FAM149A: variants seen among roughly 807,000 people sequenced by gnomAD.
FAM149A encodes the protein family with sequence similarity 149 member A.
FAM149A carries 71 observed loss-of-function variants against 78.2 expected under a neutral mutation model. The ratio of observed to expected loss-of-function variants is 0.91; its 90% CI spans 0.75 to 1.11. FAM149A has a LOEUF of 1.11. Among genes scored for constraint, FAM149A ranks in the 50% least tolerant of loss-of-function variants. The pLI is 0.00. For missense variants in FAM149A, 1,036 were observed against 971.0 expected (o/e 1.07, Z -0.89); for synonymous variants, 446 against 410.5 (o/e 1.09, Z -1.04).
chr4:186,121,210 A>T (rs1210129960), intron 1 of FAM149A, among the ~76,000 whole-genome samples: 2 of 152,184 alleles, frequency 1.3e-5, no homozygotes, highest in East Asian at 3.8e-4. Flanking sequence ...TTACTAGAAA[A>T]AATGGAGAAG....
At chr4:186,111,233 G>A (rs1490247395) in intron 1 of FAM149A, among the ~76,000 whole-genome samples, 16 of 151,640 alleles carry the variant, frequency 1.1e-4, no homozygotes, top group South Asian at 6.3e-4. Context: ...CCCACTTTTT[G>A]ATGGGGTTGT....
chr4:186,146,587 C>A, intron 1 of FAM149A: 2 of 866,610 alleles, frequency 2.3e-6, no homozygotes, highest in African/African-American at 1.8e-5. Context: ...GAAACAAACT[C>A]GCATGCGTCC....
intron 1 of FAM149A, among the ~76,000 whole-genome samples, chr4:186,113,376 T>G (rs1388981504): frequency 1.1e-5 from 1 of 87,682 alleles, no homozygotes; most frequent in Non-Finnish European, 2.3e-5. Context: ...TGAAGGGTTT[T>G]TTGTGTCTCT....
At position 186,157,652 on chromosome 4, in the gene FAM149A, G is replaced by A. The variant is rs1472906096; in HGVS notation, c.1508G>A (p.Ser503Asn). ...CCACACGCTCACGCCGATGGAGCCA[G>A]TGGCCCCCCGTCCGGACACGCCGAG... The change falls in exon 8 of 14, where the codon AGT becomes AAT. Residue 503 changes from serine (S) to asparagine (N), a missense_variant. By Grantham distance (46) the Ser-to-Asn change is conservative (BLOSUM62 1). Around this residue, in one of 3 missense-constraint regions of FAM149A, gnomAD observed 716 missense variants for 711.8 expected, o/e 1.01. Coordinates refer to ENST00000389354, the MANE Select transcript of FAM149A (RefSeq NM_001367768.3). The A allele has an allele frequency of 1.2e-6, 2 of 1,614,012 alleles. No homozygotes were observed. The highest frequency in any genetic ancestry group is 1.7e-6 in the Non-Finnish European group (2 of 1,179,988).
chr4:186,163,605 A>G lies in FAM149A; in HGVS notation c.1861A>G (p.Ser621Gly). 1 of 1,614,130 alleles carries G rather than the reference A, an allele frequency of 6.2e-7. No individual in the cohort carries two copies. Among genetic ancestry groups the G allele is most frequent in the Non-Finnish European group, 8.5e-7 (1 of 1,179,978 alleles). ...GAGACTAAAAACTCCCAACATCTAT[A>G]GTGACGAAGTTCTTCGGGGAACAAA... Residue 621 changes from serine to glycine, a missense_variant, in exon 10 of 14, where the codon AGT becomes GGT. By Grantham distance (56) the Ser-to-Gly change is moderately conservative (BLOSUM62 0). This residue lies in a region of FAM149A where 716 missense variants were observed against 711.8 expected (regional missense o/e 1.01). Coordinates refer to ENST00000389354, the MANE Select transcript of FAM149A (RefSeq NM_001367768.3).
intron 13 of FAM149A, among the ~76,000 whole-genome samples, chr4:186,170,651 G>A (rs2126559673): frequency 6.6e-6 from 1 of 152,332 alleles, no homozygotes; most frequent in South Asian, 2.1e-4. Flanking sequence ...CCCCCGACAG[G>A]CAGGTGGTGT....
At chr4:186,107,763 A>G (rs1270012851) in intron 1 of FAM149A, 1 of 152,246 alleles carries the variant, frequency 6.6e-6, no homozygotes. Context: ...TAATATACAC[A>G]GCTAGGTGCT....
chr4:186,107,010 T>C (rs1368371063), intron 1 of FAM149A, among the ~76,000 whole-genome samples: 2 of 152,194 alleles, frequency 1.3e-5, no homozygotes, highest in Non-Finnish European at 2.9e-5. Flanking sequence ...TCCCACTCAT[T>C]AAAAAATACT....
In FAM149A at chr4:186,154,650, C is replaced by G. The variant is rs1413042308; in HGVS notation, c.1229+12C>G. 6.2e-7 allele frequency: 1 copy of G among 1,606,558 alleles called. No homozygotes were observed. The highest frequency in any genetic ancestry group is 1.7e-5 in the Admixed American group (1 of 59,686). The stretch of plus-strand genomic sequence containing the variant: ...GACAGAAAAGAGGAGTAAATAGAAT[C>G]TTATTTGACATTGACCTCATAAAAT... On this transcript the variant is annotated intron_variant, in intron 6 of 13. Transcript: ENST00000389354.
chr4:186,113,339 A>C (rs1368895636), intron 1 of FAM149A, among the ~76,000 whole-genome samples: 1 of 119,324 alleles, frequency 8.4e-6, no homozygotes, highest in African/African-American at 3.2e-5. Context: ...CCTTTCAAAA[A>C]ACCAGCTCCT....
chr4:186,154,759 T>C (rs980376828), intron 6 of FAM149A, 121 bp downstream of exon 6: 2 of 1,438,524 alleles, frequency 1.4e-6, no homozygotes, highest in Admixed American at 5.1e-5. Flanking sequence ...AGATTTCTGT[T>C]CTTTTGAGAG....
Position 186,152,033 on chromosome 4 carries a change from C to A in FAM149A, c.920C>A (p.Ser307Tyr). The A allele has an allele frequency of 6.2e-7, 1 of 1,613,780 alleles. No individual in the cohort carries two copies. The highest frequency in any genetic ancestry group is 8.5e-7 in the Non-Finnish European group (1 of 1,180,014). ...GAATGCGGGGAGTGGACAAGAAGATCCCTCCATTTGAGGTGGGACCTTGGT... is the reference window on the plus strand; with the variant it reads ...GAATGCGGGGAGTGGACAAGAAGATACCTCCATTTGAGGTGGGACCTTGGT... The change falls in exon 4 of 14, where the codon TCC (serine) becomes TAC (tyrosine). Residue 307 changes from serine to tyrosine, a missense_variant. Transcript: ENST00000389354.
At chr4:186,109,117 G>A (rs2099310140) in intron 1 of FAM149A, 1 of 956,324 alleles carries the variant, frequency 1.0e-6, no homozygotes, top group Non-Finnish European at 1.2e-6. Flanking sequence ...GAAGTGCTGG[G>A]ATTACAGGCT....
Position 186,144,747 on chromosome 4 carries a change from C to A in FAM149A, c.567-4426C>A. On this transcript the variant is annotated intron_variant, in intron 1 of 13. Coordinates refer to ENST00000389354, the MANE Select transcript of FAM149A (RefSeq NM_001367768.3). The surrounding 1 kb of genome is among the most constrained non-coding windows in gnomAD (Gnocchi z 4.2). ...GCGGGGCCGGGGCCGGGGCCGGGGC[C>A]CGGAGCGGGGATGGGCGGGCGCAGC... The A allele has an allele frequency of 1.1e-6, 1 of 903,960 alleles. No homozygotes were observed. 56.0% of individuals were successfully genotyped at this position (903,960 alleles called of 1,614,324 possible). A position where few individuals can be genotyped will look rare whatever the true frequency, so the allele number is the denominator to read the frequency against.
At chr4:186,133,350 C>T (rs927017355) in intron 1 of FAM149A, 5 of 236,310 alleles carry the variant, frequency 2.1e-5, no homozygotes, top group South Asian at 3.1e-4. Context: ...TTACCAGTAA[C>T]TCCCCGTTCC....
intron 1 of FAM149A, among the ~76,000 whole-genome samples, chr4:186,142,951 T>G (rs1023797413): frequency 6.6e-6 from 1 of 152,124 alleles, no homozygotes; most frequent in Non-Finnish European, 1.5e-5. Flanking sequence ...CATTCACACA[T>G]ATACATCCTA....
intron 1 of FAM149A, among the ~76,000 whole-genome samples, chr4:186,142,196 G>A (rs181582663): frequency 6.2e-4 from 94 of 152,330 alleles, no homozygotes; most frequent in African/African-American, 2.2e-3. Context: ...CGCAGTGGCT[G>A]CTGCCTGGCT....
In FAM149A at chr4:186,173,648, C is replaced by T. The variant is rs542000432; in HGVS notation, c.*1661C>T. On this transcript the variant is annotated 3_prime_UTR_variant, in exon 14 of 14. Transcript: ENST00000389354. ...CTGGGATTATAGGCGTGAGCTTCCG[C>T]GCCTGGCCAGCTGACTCCATTTCTA... Among the ~76,000 whole-genome samples the T allele has an allele frequency of 1.6e-4, 18 of 111,520 alleles. 4 individuals are homozygous for T. In the South Asian group the frequency reaches 5.0e-3, roughly 31 times the overall value. The allele number at this position is 111,520 out of a possible 152,430, so 73.2% of individuals were successfully genotyped here.
At chr4:186,123,465 G>A (rs1017560611) in intron 1 of FAM149A, 24 of 743,394 alleles carry the variant, frequency 3.2e-5, no homozygotes, top group Non-Finnish European at 3.9e-5. Context: ...GCCCTTCATG[G>A]CTCTTTATTA....
Sources: allele counts gnomAD v4.1 joint callset (sites outside exome capture counted in the v4.1 genomes callset), GRCh38; gene constraint gnomAD v4.1.1; regional missense constraint gnomAD v4.1.1; non-coding constraint Gnocchi (gnomAD v3.1); transcripts MANE v1.5; gene names NCBI Gene and HGNC (gene_info 2026-07-23, HGNC 2026-07-21).